ULK4: variants seen among roughly 807,000 people sequenced by gnomAD.
ULK4 encodes inactive serine/threonine-protein kinase ULK4.
ULK4 carries 133 observed loss-of-function variants against 160.6 expected under a neutral mutation model. The ratio of observed to expected loss-of-function variants is 0.83; its 90% confidence interval spans 0.72 to 0.96. The LOEUF is 0.96. ULK4 is among the 40% of genes least tolerant of loss of function. ULK4 has a pLI of 0.00. For missense variants in ULK4, 1,580 were observed against 1,499.5 expected, an observed-to-expected ratio of 1.05 and a Z score of -0.89; for synonymous variants, 534 against 539.8, an observed-to-expected ratio of 0.99 and a Z score of 0.15.
chr3:41,783,535 C>CAAA lies in ULK4; in HGVS notation c.2193+6123_2193+6125dup, dbSNP rs36018598. Among the ~76,000 whole-genome samples, 3 of 134,152 alleles carry CAAA rather than the reference C, an allele frequency of 2.2e-5. 1 individual carries two copies. Among genetic ancestry groups the CAAA allele is most frequent in the South Asian group, 4.8e-4 (2 of 4,148 alleles). 88.0% of individuals were successfully genotyped at this position (134,152 alleles called of 152,430 possible). A position where few individuals can be genotyped will look rare whatever the true frequency, so the allele number is the denominator to read the frequency against. On this transcript the variant is annotated intron_variant, in intron 21 of 36. Transcript: ENST00000301831. ...TAGGCAACAGACCAAGACTCTGTCTCAAAAAAAAAAAAAAGAGAGGGAGAG... is the reference window on the plus strand; with the variant it reads ...TAGGCAACAGACCAAGACTCTGTCTCAAAAAAAAAAAAAAAAAGAGAGGGAGAG...
intron 31 of ULK4, among the ~76,000 whole-genome samples, chr3:41,585,500 C>T (rs1372126314): frequency 6.6e-6 from 1 of 152,112 alleles, no homozygotes; most frequent in Non-Finnish European, 1.5e-5. Flanking sequence ...TTACCTTATA[C>T]CATATACAAA....
chr3:41,343,871 G>C (rs2080742427), intron 35 of ULK4, among the ~76,000 whole-genome samples: 1 of 152,090 alleles, frequency 6.6e-6, no homozygotes, highest in South Asian at 2.1e-4. Flanking sequence ...AAATGAAGAA[G>C]CATTCCATGC....
intron 32 of ULK4, among the ~76,000 whole-genome samples, chr3:41,469,553 G>C (rs140138639): frequency 8.5e-6 from 1 of 117,040 alleles, no homozygotes; most frequent in Non-Finnish European, 1.7e-5. Flanking sequence ...CATCAAAGCC[G>C]GCCCATCTAC....
At chr3:41,601,381 T>C (rs913113826) in intron 31 of ULK4, among the ~76,000 whole-genome samples, 2 of 152,168 alleles carry the variant, frequency 1.3e-5, no homozygotes, top group Non-Finnish European at 2.9e-5. Context: ...ATCTCCTTTA[T>C]GGAAAAATTC....
At chr3:41,833,035 G>GA (rs985521900) in intron 18 of ULK4, among the ~76,000 whole-genome samples, 3 of 152,134 alleles carry the variant, frequency 2.0e-5, no homozygotes, top group African/African-American at 7.2e-5. Context: ...GGTTCCATAT[G>GA]AAATTTAAAG....
chr3:41,429,152 G>T (rs2082846095), intron 34 of ULK4, among the ~76,000 whole-genome samples: 1 of 151,906 alleles, frequency 6.6e-6, no homozygotes, highest in South Asian at 2.1e-4. Context: ...TGAAAAAAAG[G>T]TCAACATCAC....
rs373266724 is a variant in ULK4, at chr3:41,576,116, T to C, written c.3121-9986A>G. 3.3e-5 allele frequency among the ~76,000 whole-genome samples: 5 copies of C among 152,230 alleles called. No homozygotes were observed. The South Asian group carries it at 6.2e-4, about 19-fold the overall frequency. ...AAAGTAGGGAGGACAAATGAAAAAA[T>C]AGAACACATCCAGACACACAACTCC... On this transcript the variant is annotated intron_variant, in intron 31 of 36. Transcript: ENST00000301831.
intron 22 of ULK4, among the ~76,000 whole-genome samples, chr3:41,727,540 T>C (rs2037692301): frequency 6.6e-6 from 1 of 152,200 alleles, no homozygotes; most frequent in Non-Finnish European, 1.5e-5. Context: ...GGACAAAACA[T>C]TCCAGAAAAC....
At chr3:41,417,848 C>T (rs1369158968) in intron 34 of ULK4, among the ~76,000 whole-genome samples, 1 of 152,140 alleles carries the variant, frequency 6.6e-6, no homozygotes, top group South Asian at 2.1e-4. Context: ...TAAAAACATA[C>T]TAACTACTCT....
At position 41,325,998 on chromosome 3, in the gene ULK4, A is replaced by G. The variant is rs139750725; in HGVS notation, c.3678+72081T>C. On this transcript the variant is annotated intron_variant, in intron 35 of 36. Transcript: ENST00000301831. Reference sequence around the variant, plus strand: ...TATGAATGCATGTATAAACAAATGGATAAGTAATGAATTATATGTATGATA... The same window carrying G: ...TATGAATGCATGTATAAACAAATGGGTAAGTAATGAATTATATGTATGATA... Among the ~76,000 whole-genome samples the G allele has an allele frequency of 5.3e-5, 8 of 152,324 alleles. 1 individual carries two copies. In the Middle Eastern group the frequency reaches 0.014, roughly 259 times the overall value.
chr3:41,602,291 GAAAGGAA>G (rs1559425539), intron 31 of ULK4, among the ~76,000 whole-genome samples: 2 of 126,528 alleles, frequency 1.6e-5, no homozygotes, highest in East Asian at 2.5e-4. Flanking sequence ...GAAAGGAAAG[GAAAGGAA>G]AGGAAAGGAA....
rs144812486 is a variant in ULK4 at position 41,376,192 on chromosome 3, A to G, written c.3678+21887T>C. ...TGTTGGTGGGAGTGTAAATTAGTTC[A>G]ACCATTGTGGAAGACAGTGTGGTAA... is the stretch of plus-strand genomic sequence containing the variant. On this transcript the variant is annotated intron_variant, in intron 35 of 36. Coordinates refer to ENST00000301831, the MANE Select transcript of ULK4 (RefSeq NM_017886.4). 5.5e-3 allele frequency among the ~76,000 whole-genome samples: 821 copies of G among 150,432 alleles called. 73 individuals carry two copies. Among genetic ancestry groups the G allele is most frequent in the African/African-American group, 0.019 (772 of 40,390 alleles).
chr3:41,431,222 C>G (rs1201469830), intron 34 of ULK4, among the ~76,000 whole-genome samples: 1 of 152,008 alleles, frequency 6.6e-6, no homozygotes, highest in Non-Finnish European at 1.5e-5. Flanking sequence ...GTGAGGCACA[C>G]CTGTAGTCCC....
chr3:41,680,580 G>A (rs1234973048), intron 29 of ULK4, among the ~76,000 whole-genome samples: 2 of 152,158 alleles, frequency 1.3e-5, no homozygotes. Flanking sequence ...TATTATATGA[G>A]AGAGTTCAAA....
intron 33 of ULK4, among the ~76,000 whole-genome samples, chr3:41,461,356 A>C (rs893694843): frequency 1.3e-5 from 2 of 152,180 alleles, no homozygotes. Context: ...AGGGTTTTGG[A>C]AAGTACTTAT....
rs1476053592 is a variant in ULK4, at chr3:41,252,019, C to T, written c.3679-2445G>A. 2.6e-5 allele frequency among the ~76,000 whole-genome samples: 4 copies of T among 152,356 alleles called. No individual in the cohort carries two copies. In the East Asian group the frequency reaches 7.7e-4, roughly 29 times the overall value. ...GAGGTAACAAATATATCTCTGCTCACATCCCAGACTGACCCCTGGGGAGGG... is the reference window on the plus strand; with the variant it reads ...GAGGTAACAAATATATCTCTGCTCATATCCCAGACTGACCCCTGGGGAGGG... On this transcript the variant is annotated intron_variant, in intron 35 of 36. Coordinates refer to ENST00000301831, the MANE Select transcript of ULK4 (RefSeq NM_017886.4).
intron 34 of ULK4, among the ~76,000 whole-genome samples, chr3:41,426,029 G>C (rs946448161): frequency 6.6e-6 from 1 of 152,162 alleles, no homozygotes; most frequent in African/African-American, 2.4e-5. Flanking sequence ...CTGTATTCAA[G>C]AGACCCATCT....
intron 34 of ULK4, among the ~76,000 whole-genome samples, chr3:41,415,579 T>G (rs2082506553): frequency 1.3e-5 from 2 of 152,168 alleles, no homozygotes; most frequent in Non-Finnish European, 2.9e-5. Flanking sequence ...ATTCACTGCC[T>G]ATTTTCAAAA....
chr3:41,266,806 A>C (rs1029429534), intron 35 of ULK4, among the ~76,000 whole-genome samples: 1 of 152,058 alleles, frequency 6.6e-6, no homozygotes, highest in East Asian at 1.9e-4. Flanking sequence ...GGGAGCTCCT[A>C]TTCTTCCTTC....
Sources: gnomAD v4.1 joint callset for allele counts (sites outside exome capture counted in the v4.1 genomes callset) on GRCh38, gnomAD v4.1.1 for gene constraint, MANE v1.5 for transcripts, NCBI Gene and HGNC (gene_info 2026-07-23, HGNC 2026-07-21) for gene names.